GRAMD4: variants seen among roughly 807,000 people sequenced by gnomAD.
GRAMD4 encodes GRAM domain containing 4.
A neutral mutation model predicts 83.9 loss-of-function variants in GRAMD4; 25 were observed. The ratio of observed to expected loss-of-function variants is 0.30; its 90% CI spans 0.22 to 0.42. GRAMD4 has a LOEUF of 0.42. GRAMD4 is among the 10% of genes least tolerant of loss of function. GRAMD4 has a pLI of 1.00. For missense variants in GRAMD4, 593 were observed against 788.7 expected, an observed-to-expected ratio of 0.75 and a Z score of 2.97; for synonymous variants, 336 against 320.9, an observed-to-expected ratio of 1.05 and a Z score of -0.50.
At chr22:46,652,806 A>G (rs1173695886) in intron 3 of GRAMD4, among the ~76,000 whole-genome samples, 3 of 152,200 alleles carry the variant, frequency 2.0e-5, no homozygotes, top group Non-Finnish European at 4.4e-5. Flanking sequence ...CGGGCTGGAA[A>G]TCGGCCCTCC....
At chr22:46,641,490 G>A (rs2081975078) in intron 3 of GRAMD4, among the ~76,000 whole-genome samples, 1 of 152,228 alleles carries the variant, frequency 6.6e-6, no homozygotes, top group Non-Finnish European at 1.5e-5. Context: ...AGTCAGATGA[G>A]GTTGGTGTGC....
chr22:46,675,429 T>G (rs778794553), intron 16 of GRAMD4, 39 bp from the exon 17 acceptor site: 1 of 1,461,924 alleles, frequency 6.8e-7, no homozygotes, highest in South Asian at 1.1e-5. Flanking sequence ...GTGCTCTGGT[T>G]CAAGAGCCAG....
rs534088048 is a variant in GRAMD4 at position 46,661,493 on chromosome 22, G to A, written c.466+51G>A. 26 of 1,227,234 alleles carry A rather than the reference G, an allele frequency of 2.1e-5. No individual in the cohort carries two copies. In the Middle Eastern group the frequency reaches 5.8e-4, roughly 28 times the overall value. The allele number at this position is 1,227,234 out of a possible 1,614,324, so 76.0% of individuals were successfully genotyped here. ...GGCAGGCGGGCGGGTGGGTGGCTGC[G>A]CGTCACCTGCTGGTTCTGTAGGCCC... On this transcript the variant is annotated intron_variant, in intron 5 of 18. Coordinates refer to ENST00000406902, the MANE Select transcript of GRAMD4 (RefSeq NM_015124.5).
At position 46,672,922 on chromosome 22, in the gene GRAMD4, G is replaced by T. The variant is rs780910269; in HGVS notation, c.1164G>T (p.Thr388=). Residue 388 remains threonine, a synonymous_variant, in exon 14 of 19, where the codon ACG becomes ACT. Transcript: ENST00000406902. This position sits in a 1 kb window ranked among gnomAD's most constrained non-coding sequence, Gnocchi z 4.7. ...CGAGGCTGCGCGCCAAGTACGACAC[G>T]CCCTATATCATCTGGAGGAGTCTCC... ...RCPRLRAKYD[T]PYIIWRSLPT... 1 of 1,611,894 alleles carries T rather than the reference G, an allele frequency of 6.2e-7. No individual in the cohort carries two copies. The highest frequency in any genetic ancestry group is 8.5e-7 in the Non-Finnish European group (1 of 1,179,544).
intron 3 of GRAMD4, among the ~76,000 whole-genome samples, chr22:46,641,351 G>A (rs2081972866): frequency 6.6e-6 from 1 of 151,986 alleles, no homozygotes; most frequent in African/African-American, 2.4e-5. Context: ...AGGATTACAG[G>A]TGTGAGCCAC....
chr22:46,648,218 A>T (rs941426472), intron 3 of GRAMD4, among the ~76,000 whole-genome samples: 1 of 151,774 alleles, frequency 6.6e-6, no homozygotes. Flanking sequence ...GGGTGGGTGG[A>T]TGGATGGATG....
chr22:46,611,053 A>G (rs2081411890), intron 1 of GRAMD4, among the ~76,000 whole-genome samples: 1 of 151,952 alleles, frequency 6.6e-6, no homozygotes, highest in Non-Finnish European at 1.5e-5. Flanking sequence ...CATCTCTACT[A>G]AAAATACAAA....
intron 13 of GRAMD4, among the ~76,000 whole-genome samples, chr22:46,670,093 G>A (rs901559967): frequency 1.1e-4 from 16 of 152,198 alleles, no homozygotes. Flanking sequence ...GGAGAGCTCC[G>A]TGCCGGAGTC....
chr22:46,656,138 ACTGAAACCATG>A (rs1224953244), intron 3 of GRAMD4, among the ~76,000 whole-genome samples: 1 of 151,670 alleles, frequency 6.6e-6, no homozygotes, highest in East Asian at 1.9e-4. Context: ...GCTGAAGGAC[ACTGAAACCATG>A]CTTGGAGAAG....
Position 46,674,704 on chromosome 22 carries a change from A to G in GRAMD4, c.1432A>G (p.Met478Val). The G allele has an allele frequency of 6.2e-6, 10 of 1,613,226 alleles. No homozygotes were observed. The highest frequency in any genetic ancestry group is 8.5e-6 in the Non-Finnish European group (10 of 1,179,762). Residue 478 changes from methionine to valine, a missense_variant, in exon 16 of 19, where the codon ATG becomes GTG. Physicochemically the swap from Met to Val is conservative, Grantham distance 21. This residue lies in a region of GRAMD4 where 74 missense variants were observed against 152.7 expected (regional missense o/e 0.48). Coordinates refer to ENST00000406902, the MANE Select transcript of GRAMD4 (RefSeq NM_015124.5). The stretch of plus-strand genomic sequence containing the variant: ...CTGCCTCATCAACAGGGACCGGAAG[A>G]TGCCCACGGACTACATCAGGAACGG... Reference protein sequence around the residue: ...RCCLINRDRKMPTDYIRNGVL... With the variant: ...RCCLINRDRKVPTDYIRNGVL...
chr22:46,673,667 C>T lies in GRAMD4; in HGVS notation c.1240-3C>T, dbSNP rs1301672912. ...TGACCTCGACGCTGTTTGCCGTTGG[C>T]AGCTGCAGACGACCTCGTCACGGAG... On this transcript the variant is annotated splice_polypyrimidine_tract_variant and splice_region_variant and intron_variant, in intron 14 of 18. Coordinates refer to ENST00000406902, the MANE Select transcript of GRAMD4 (RefSeq NM_015124.5). The T allele has an allele frequency of 1.3e-5, 21 of 1,609,888 alleles. No homozygotes were observed. Among genetic ancestry groups the T allele is most frequent in the Non-Finnish European group, 1.6e-5 (19 of 1,177,588 alleles).
chr22:46,614,773 C>T lies in GRAMD4; in HGVS notation c.-49-11978C>T, dbSNP rs553603677. 2.4e-4 allele frequency among the ~76,000 whole-genome samples: 36 copies of T among 150,112 alleles called. No individual in the cohort carries two copies. In the South Asian group the frequency reaches 7.4e-3, roughly 31 times the overall value. On this transcript the variant is annotated intron_variant, in intron 1 of 1. Transcript: ENST00000431155. Reference sequence around the variant, plus strand: ...GCCTGTGCGTGTAGGTTCCCCTGTGCGTGTAGGTTCCCCCGTGTGAAGGTT... The same window carrying T: ...GCCTGTGCGTGTAGGTTCCCCTGTGTGTGTAGGTTCCCCCGTGTGAAGGTT...
At chr22:46,617,955 G>A (rs2081525984), upstream of GRAMD4, among the ~76,000 whole-genome samples, 2 of 152,234 alleles carry the variant, frequency 1.3e-5, no homozygotes, top group South Asian at 4.1e-4. Flanking sequence ...GTGTATTCAG[G>A]GACGCTGTGC....
At chr22:46,668,994 G>T in intron 13 of GRAMD4, 86 bp downstream of exon 13, 1 of 777,822 alleles carries the variant, frequency 1.3e-6, no homozygotes, top group South Asian at 1.5e-5. Context: ...GTGTCTGCAA[G>T]AGCTGTTAAA....
At chr22:46,652,833 C>T (rs919175346) in intron 3 of GRAMD4, among the ~76,000 whole-genome samples, 3 of 152,152 alleles carry the variant, frequency 2.0e-5, no homozygotes, top group East Asian at 1.9e-4. Context: ...TTTTCTTACT[C>T]GGGAAAGAGA....
intron 2 of GRAMD4, among the ~76,000 whole-genome samples, chr22:46,627,853 G>T (rs1449700568): frequency 6.6e-6 from 1 of 152,262 alleles, no homozygotes; most frequent in Non-Finnish European, 1.5e-5. Context: ...GATCAGGCAG[G>T]TGGGGCCGCT....
At chr22:46,617,111 C>G (rs539981174), upstream of GRAMD4, among the ~76,000 whole-genome samples, 5 of 108,224 alleles carry the variant, frequency 4.6e-5, no homozygotes, top group African/African-American at 1.1e-4. Context: ...TTCCCCTGTC[C>G]GTGTAGGTTC....
downstream of GRAMD4, chr22:46,682,424 A>C: frequency 1.0e-6 from 1 of 985,320 alleles, no homozygotes; most frequent in Non-Finnish European, 1.2e-6. Context: ...AATCATCATC[A>C]TAGGAGTGTG....
intron 13 of GRAMD4, among the ~76,000 whole-genome samples, chr22:46,671,906 TC>T (rs2082512484): frequency 6.6e-6 from 1 of 152,224 alleles, no homozygotes; most frequent in African/African-American, 2.4e-5. Context: ...TGTGAAAATG[TC>T]CTACAAAGGC....
Sources: allele counts gnomAD v4.1 joint callset (sites outside exome capture counted in the v4.1 genomes callset), GRCh38; gene constraint gnomAD v4.1.1; regional missense constraint gnomAD v4.1.1; non-coding constraint Gnocchi (gnomAD v3.1); transcripts MANE v1.5; gene names NCBI Gene and HGNC (gene_info 2026-07-23, HGNC 2026-07-21).